Variants in DNAH17 observed in about 807,000 individuals in gnomAD.
DNAH17 encodes the protein axonemal beta dynein heavy chain 17.
DNAH17 carries 376 observed loss-of-function variants against 485.6 expected under a neutral mutation model. The ratio of observed to expected loss-of-function variants is 0.77; its 90% CI spans 0.71 to 0.84. The LOEUF is 0.84. Ranked by LOEUF, DNAH17 falls within the 40% of genes least tolerant of loss-of-function variation. The pLI, the probability that DNAH17 is intolerant of heterozygous loss-of-function variation, is 0.00. For missense variants in DNAH17, 6,370 were observed against 5,839.3 expected, an observed-to-expected ratio of 1.09 and a Z score of -2.96; for synonymous variants, 3,031 against 2,405.9, an observed-to-expected ratio of 1.26 and a Z score of -7.60.
rs186179167 is a variant in DNAH17, at chr17:78,539,627, A to G, written c.2676+110T>C. The stretch of plus-strand genomic sequence containing the variant: ...AGTAGATTGCATAAGATATATTTTA[A>G]TAAGTCTATTTATAAAATGATAGCC... On this transcript the variant is annotated intron_variant, in intron 18 of 80. Transcript: ENST00000389840. 1.6e-5 allele frequency: 16 copies of G among 991,800 alleles called. No individual in the cohort carries two copies. In the East Asian group the frequency reaches 4.4e-4, roughly 28 times the overall value. 61.4% of individuals were successfully genotyped at this position (991,800 alleles called of 1,614,324 possible).
intron 71 of DNAH17, among the ~76,000 whole-genome samples, chr17:78,442,468 G>A (rs868046523): frequency 6.6e-6 from 1 of 152,232 alleles, no homozygotes; most frequent in Non-Finnish European, 1.5e-5. Context: ...ACTCTGGAAT[G>A]GCCTCAGACC....
chr17:78,532,821 G>T, intron 19 of DNAH17, 85 bp from the exon 20 acceptor site: 1 of 1,417,226 alleles, frequency 7.1e-7, no homozygotes, highest in East Asian at 2.5e-5. Flanking sequence ...CTTGAGAAGT[G>T]GTTCTCTGTT....
intron 62 of DNAH17, among the ~76,000 whole-genome samples, chr17:78,457,639 G>A (rs967301189): frequency 4.0e-5 from 6 of 148,378 alleles, no homozygotes; most frequent in African/African-American, 1.5e-4. Context: ...GACTACAGGT[G>A]CGCACAGCCG....
At chr17:78,551,076 C>A (rs564817380) in intron 16 of DNAH17, among the ~76,000 whole-genome samples, 1 of 152,112 alleles carries the variant, frequency 6.6e-6, no homozygotes, top group African/African-American at 2.4e-5. Flanking sequence ...AAAACAAAAA[C>A]AAAATTCCTT....
At chr17:78,543,640 G>C (rs756082724) in intron 17 of DNAH17, 4 of 662,674 alleles carry the variant, frequency 6.0e-6, no homozygotes, top group Non-Finnish European at 1.0e-5. Flanking sequence ...GGTCAAGCTG[G>C]TCTCGATCTC....
intron 49 of DNAH17, among the ~76,000 whole-genome samples, chr17:78,480,347 TCAAAACAAAAA>T (rs1259137787): frequency 6.6e-6 from 1 of 151,276 alleles, no homozygotes; most frequent in Non-Finnish European, 1.5e-5. Context: ...AGACTCAGCC[TCAAAACAAAAA>T]CAAAACAACA....
At chr17:78,492,949 C>T (rs1331788619) in intron 41 of DNAH17, 184 bp from the exon 42 acceptor site, 2 of 551,644 alleles carry the variant, frequency 3.6e-6, no homozygotes, top group Non-Finnish European at 5.8e-6. Flanking sequence ...CCTCAGGGTT[C>T]AAGTGATTCT....
chr17:78,427,226 G>T, intron 77 of DNAH17, 118 bp from the exon 78 acceptor site: 1 of 1,043,262 alleles, frequency 9.6e-7, no homozygotes, highest in Non-Finnish European at 1.4e-6. Flanking sequence ...GAGGGAAGAG[G>T]CAAGTAGAGT....
At chr17:78,503,273 G>A (rs1284514993) in intron 31 of DNAH17, among the ~76,000 whole-genome samples, 1 of 144,144 alleles carries the variant, frequency 6.9e-6, no homozygotes. Flanking sequence ...TCCACCTCCC[G>A]GGTTCACGCC....
intron 5 of DNAH17, 26 bp downstream of exon 5, chr17:78,571,253 A>C (rs888206441): frequency 1.3e-6 from 2 of 1,594,414 alleles, no homozygotes; most frequent in African/African-American, 2.7e-5. Flanking sequence ...CTTCGTGCAG[A>C]ACTCATGACA....
At position 78,458,934 on chromosome 17, in the gene DNAH17, G is replaced by C. The variant is rs934950799; in HGVS notation, c.9861+67C>G. On this transcript the variant is annotated intron_variant, in intron 61 of 80. Coordinates refer to ENST00000389840, the MANE Select transcript of DNAH17 (RefSeq NM_173628.4). ...CCGTGCCAACCCATTTTCAACAGAG[G>C]TATTGACTGGCAGCGCGAGCAAGCG... is the stretch of plus-strand genomic sequence containing the variant. 2.0e-6 allele frequency: 3 copies of C among 1,518,972 alleles called. No individual in the cohort carries two copies. In the African/African-American group the frequency reaches 4.1e-5, roughly 21 times the overall value. The allele number at this position is 1,518,972 out of a possible 1,614,324, so 94.1% of individuals were successfully genotyped here. A position where few individuals can be genotyped will look rare whatever the true frequency, so the allele number is the denominator to read the frequency against.
intron 58 of DNAH17, 103 bp from the exon 59 acceptor site, chr17:78,460,360 ATGCACGTGCATGAGTGTATGTG>A (rs2088050070): frequency 4.0e-5 from 6 of 151,512 alleles, no homozygotes; most frequent in South Asian, 2.1e-4. Flanking sequence ...GTGTGCATGT[ATGCACGTGCATGAGTGTATGTG>A]TGCATATATG....
intron 51 of DNAH17, among the ~76,000 whole-genome samples, chr17:78,476,981 C>T (rs1344678399): frequency 1.3e-5 from 2 of 152,156 alleles, no homozygotes; most frequent in African/African-American, 2.4e-5. Context: ...GGGGCCTCAT[C>T]CTCCAGAAGA....
chr17:78,427,438 C>T (rs748627165), intron 77 of DNAH17, among the ~76,000 whole-genome samples: 8 of 152,220 alleles, frequency 5.3e-5, no homozygotes, highest in African/African-American at 7.2e-5. Flanking sequence ...TGAGGGATTG[C>T]GACTTTGTCC....
Position 78,482,090 on chromosome 17 carries a change from T to TC in DNAH17, c.7650-1305dup, listed in dbSNP as rs1327531354. ...AGTTACTTTTTTTTTTTTTTTTTTT[T>TC]CCCCCGAGACAGGGTCTTGCTCTCT... On this transcript the variant is annotated intron_variant, in intron 48 of 80. Transcript: ENST00000389840. Among the ~76,000 whole-genome samples, 9 of 87,114 alleles carry TC rather than the reference T, an allele frequency of 1.0e-4. 1 individual carries two copies. The South Asian group carries it at 2.1e-3, about 21-fold the overall frequency. The allele number at this position is 87,114 out of a possible 152,430, so 57.2% of individuals were successfully genotyped here. A position where few individuals can be genotyped will look rare whatever the true frequency, so the allele number is the denominator to read the frequency against.
Position 78,502,895 on chromosome 17 carries a change from G to A in DNAH17, c.5073C>T (p.Tyr1691=), listed in dbSNP as rs2090349672. 6.2e-7 allele frequency: 1 copy of A among 1,613,896 alleles called. No individual in the cohort carries two copies. Among genetic ancestry groups the A allele is most frequent in the Admixed American group, 1.7e-5 (1 of 60,000 alleles). ...CCCACCCGCCTCAGACCTGGGCTGGGTAGTCCAGGATCCACTGCTCCCTCG... is the reference window on the plus strand; with the variant it reads ...CCCACCCGCCTCAGACCTGGGCTGGATAGTCCAGGATCCACTGCTCCCTCG... ...EKPREQWILD[Y]PAQVALTCTQ... Residue 1691 remains tyrosine (Y), a synonymous_variant, in exon 32 of 81, where the codon TAC becomes TAT. Coordinates refer to ENST00000389840, the MANE Select transcript of DNAH17 (RefSeq NM_173628.4).
intron 78 of DNAH17, 85 bp from the exon 79 acceptor site, chr17:78,426,685 C>T: frequency 6.6e-7 from 1 of 1,509,810 alleles, no homozygotes; most frequent in Non-Finnish European, 8.9e-7. Context: ...GAGTTGTCAA[C>T]ACAGTGTGGC....
At chr17:78,445,789 G>A in intron 69 of DNAH17, 109 bp from the exon 70 acceptor site, 2 of 1,296,896 alleles carry the variant, frequency 1.5e-6, no homozygotes, top group South Asian at 2.9e-5. Context: ...CCTGCAGGGG[G>A]CGCCCTGTCC....
At chr17:78,448,720 T>C (rs598157) in intron 69 of DNAH17, among the ~76,000 whole-genome samples, 2,752 of 152,076 alleles carry the variant, frequency 0.018, 91 homozygotes, top group African/African-American at 0.059. Flanking sequence ...GACAGCAGAG[T>C]GAATGGCTTA....
Sources: gnomAD v4.1 joint callset for allele counts (sites outside exome capture counted in the v4.1 genomes callset) on GRCh38, gnomAD v4.1.1 for gene constraint, MANE v1.5 for transcripts, NCBI Gene and HGNC (gene_info 2026-07-23, HGNC 2026-07-21) for gene names.